ABLIM2: variants seen among roughly 807,000 people sequenced by gnomAD.
The protein encoded by ABLIM2 is actin-binding LIM protein 2.
A neutral mutation model predicts 97.7 loss-of-function variants in ABLIM2; 53 were observed. The ratio of observed to expected loss-of-function variants is 0.54; its 90% CI spans 0.44 to 0.68. The LOEUF is 0.68. ABLIM2 is among the 30% of genes least tolerant of loss of function. The pLI is 0.00. For missense variants in ABLIM2, 835 were observed against 867.2 expected (o/e 0.96, Z 0.47); for synonymous variants, 361 against 345.8 (o/e 1.04, Z -0.49).
At chr4:7,975,171 C>T (rs2386052) in intron 20 of ABLIM2, among the ~76,000 whole-genome samples, 97,405 of 152,092 alleles carry the variant, frequency 0.64, 31,295 homozygotes, top group African/African-American at 0.66. Flanking sequence ...TGAGTTGTGA[C>T]TGTGCCACTG....
intron 6 of ABLIM2, among the ~76,000 whole-genome samples, chr4:8,064,152 G>A (rs544328025): frequency 6.6e-5 from 10 of 152,342 alleles, no homozygotes; most frequent in Admixed American, 3.3e-4. Flanking sequence ...CTCCACAAGC[G>A]AGACATGCTC....
chr4:8,130,298 G>C lies in ABLIM2; in HGVS notation c.11-23661C>G, dbSNP rs1272119984. Among the ~76,000 whole-genome samples the C allele has an allele frequency of 6.6e-6, 1 of 152,196 alleles. No individual in the cohort carries two copies. Among genetic ancestry groups the C allele is most frequent in the African/African-American group, 2.4e-5 (1 of 41,452 alleles). On this transcript the variant is annotated intron_variant, in intron 1 of 20. Coordinates refer to ENST00000447017, the MANE Select transcript of ABLIM2 (RefSeq NM_001130083.2). The surrounding 1 kb of genome is among the most constrained non-coding windows in gnomAD (Gnocchi z 4.2). Reference sequence around the variant, plus strand: ...CACCAGTTCCGGGATGGCCCATGCTGGGAAACATCACGTTGCTTTGAGGCC... The same window carrying C: ...CACCAGTTCCGGGATGGCCCATGCTCGGAAACATCACGTTGCTTTGAGGCC...
chr4:8,036,551 T>C (rs568891458), intron 9 of ABLIM2, among the ~76,000 whole-genome samples: 24 of 152,206 alleles, frequency 1.6e-4, no homozygotes, highest in African/African-American at 5.5e-4. Context: ...CCCCAGCTCC[T>C]GGTATAGGTG....
At position 8,105,213 on chromosome 4, in the gene ABLIM2, C is replaced by T. The variant is rs142999700; in HGVS notation, c.154+1281G>A. ...TCTACTCCCGAGGTTCTAGCCAGCA[C>T]GCCACCTCCTCTGCGAAGTCCTTTC... is the stretch of plus-strand genomic sequence containing the variant. On this transcript the variant is annotated intron_variant, in intron 2 of 20. Coordinates refer to ENST00000447017, the MANE Select transcript of ABLIM2 (RefSeq NM_001130083.2). 4.4e-3 allele frequency among the ~76,000 whole-genome samples: 673 copies of T among 152,332 alleles called. 4 individuals carry two copies. Among genetic ancestry groups the T allele is most frequent in the Non-Finnish European group, 7.1e-3 (481 of 68,034 alleles).
At chr4:8,049,530 C>T (rs149375970) in intron 8 of ABLIM2, among the ~76,000 whole-genome samples, 10 of 152,258 alleles carry the variant, frequency 6.6e-5, no homozygotes, top group African/African-American at 9.6e-5. Flanking sequence ...TCACTATGCC[C>T]GCCTCCCTTT....
Position 8,054,207 on chromosome 4 carries a change from C to T in ABLIM2, c.803G>A (p.Arg268Lys). 1 of 1,614,072 alleles carries T rather than the reference C, an allele frequency of 6.2e-7. No individual in the cohort carries two copies. Among genetic ancestry groups the T allele is most frequent in the Non-Finnish European group, 8.5e-7 (1 of 1,179,904 alleles). ...IWHPACRQAA[R>K]TEDRNKETRT... ...ACCAACCTTGTTTCTGTCTTCAGTT[C>T]TGGCTGCTTGTCGACACGCCGGATG... The change falls in exon 8 of 21, where the codon AGA becomes AAA. Residue 268 changes from arginine to lysine, a missense_variant. Transcript: ENST00000447017. The surrounding 1 kb of genome is among the most constrained non-coding windows in gnomAD (Gnocchi z 4.9).
chr4:8,107,109 C>T (rs990173524), intron 1 of ABLIM2, among the ~76,000 whole-genome samples: 2 of 152,256 alleles, frequency 1.3e-5, no homozygotes, highest in Admixed American at 6.5e-5. Flanking sequence ...ACAGCAGCCA[C>T]GGTCCTCAGG....
intron 6 of ABLIM2, among the ~76,000 whole-genome samples, chr4:8,066,254 C>T (rs1414905234): frequency 6.9e-6 from 1 of 144,666 alleles, no homozygotes; most frequent in East Asian, 2.0e-4. Flanking sequence ...TGCAGTGAGC[C>T]GAGATAGCGC....
At chr4:8,070,035 CTTTG>C (rs960987910) in intron 6 of ABLIM2, among the ~76,000 whole-genome samples, 4 of 151,418 alleles carry the variant, frequency 2.6e-5, no homozygotes, top group African/African-American at 2.4e-5. Flanking sequence ...TGTCTATGTG[CTTTG>C]TGTGTGTATG....
At chr4:8,009,362 T>C (rs898387736) in intron 14 of ABLIM2, among the ~76,000 whole-genome samples, 1 of 152,264 alleles carries the variant, frequency 6.6e-6, no homozygotes, top group East Asian at 1.9e-4. Flanking sequence ...CAGAGTAATG[T>C]TTTCAGATGT....
At chr4:8,057,856 C>A (rs186544391) in intron 7 of ABLIM2, among the ~76,000 whole-genome samples, 1 of 152,176 alleles carries the variant, frequency 6.6e-6, no homozygotes, top group Non-Finnish European at 1.5e-5. Flanking sequence ...TGCATGGAGC[C>A]CCGACATCCC....
chr4:8,059,274 C>T (rs1302126370), intron 7 of ABLIM2, among the ~76,000 whole-genome samples: 1 of 151,982 alleles, frequency 6.6e-6, no homozygotes, highest in Non-Finnish European at 1.5e-5. Flanking sequence ...CCTGACATGC[C>T]CCTCTGGCAT....
rs1326910383 is a variant in ABLIM2, at chr4:8,148,448, T to G, written c.10+10232A>C. On this transcript the variant is annotated intron_variant, in intron 1 of 20. Coordinates refer to ENST00000447017, the MANE Select transcript of ABLIM2 (RefSeq NM_001130083.2). This position sits in a 1 kb window ranked among gnomAD's most constrained non-coding sequence, Gnocchi z 6.7. ...GGCCATGGCGCACCACAGTTAGGAG[T>G]GCGGGTTCTGCAGCTGGCACGGTGC... Among the ~76,000 whole-genome samples the G allele has an allele frequency of 1.3e-5, 2 of 151,574 alleles. No homozygotes were observed. Among genetic ancestry groups the G allele is most frequent in the East Asian group, 3.9e-4 (2 of 5,154 alleles).
In ABLIM2 at chr4:8,001,670, T is replaced by C. The variant is rs965297904; in HGVS notation, c.1618+6389A>G. ...AGCTGGCCACTCCTCCCTAACAGCC[T>C]CTGTATAGAGGGACCCTCCAGCCAC... On this transcript the variant is annotated intron_variant, in intron 16 of 20. Transcript: ENST00000447017. The surrounding 1 kb of genome is among the most constrained non-coding windows in gnomAD (Gnocchi z 4.2). Among the ~76,000 whole-genome samples the C allele has an allele frequency of 2.0e-5, 3 of 152,040 alleles. No individual in the cohort carries two copies. Among genetic ancestry groups the C allele is most frequent in the African/African-American group, 7.2e-5 (3 of 41,418 alleles).
At chr4:7,967,267 G>A (rs1723635741) in intron 20 of ABLIM2, among the ~76,000 whole-genome samples, 164 bp from the exon 21 acceptor site, 1 of 152,202 alleles carries the variant, frequency 6.6e-6, no homozygotes, top group Admixed American at 6.5e-5. Context: ...CCTCTCTGCA[G>A]TGAAAGAACT....
In ABLIM2 at chr4:8,091,834, A is replaced by AT. The variant is rs1404411656; in HGVS notation, c.339-3551_339-3550insA. Among the ~76,000 whole-genome samples, 209 of 60,042 alleles carry AT rather than the reference A, an allele frequency of 3.5e-3. 1 individual carries two copies. The highest frequency in any genetic ancestry group is 0.013 in the African/African-American group (202 of 16,020). The allele number at this position is 60,042 out of a possible 152,430, so 39.4% of individuals were successfully genotyped here. A position where few individuals can be genotyped will look rare whatever the true frequency, so the allele number is the denominator to read the frequency against. Reference sequence around the variant, plus strand: ...ATATTATATAATATATTATATAAATAATATAATATATTATTTATACAATAT... The same window carrying AT: ...ATATTATATAATATATTATATAAATATATATAATATATTATTTATACAATAT... On this transcript the variant is annotated intron_variant, in intron 3 of 20. Transcript: ENST00000447017.
chr4:8,100,089 C>T (rs1463235208), intron 2 of ABLIM2, among the ~76,000 whole-genome samples: 4 of 152,196 alleles, frequency 2.6e-5, no homozygotes, highest in South Asian at 4.2e-4. Context: ...GAGAGGGTGG[C>T]GGCTGGGGGG....
rs554993716 is a variant in ABLIM2, at chr4:7,972,831, C to T, written c.1825-5728G>A. Among the ~76,000 whole-genome samples, 9 of 152,286 alleles carry T rather than the reference C, an allele frequency of 5.9e-5. No individual in the cohort carries two copies. In the East Asian group the frequency reaches 1.5e-3, roughly 26 times the overall value. On this transcript the variant is annotated intron_variant, in intron 20 of 20. Transcript: ENST00000447017. Reference sequence around the variant, plus strand: ...GGTGCAAACCCATCTCTCAGACACACCCATGTGGCTCCAAACCTCCTATTG... The same window carrying T: ...GGTGCAAACCCATCTCTCAGACACATCCATGTGGCTCCAAACCTCCTATTG...
At chr4:8,040,100 C>A (rs555603309) in intron 9 of ABLIM2, among the ~76,000 whole-genome samples, 1 of 152,078 alleles carries the variant, frequency 6.6e-6, no homozygotes, top group Non-Finnish European at 1.5e-5. Flanking sequence ...TTCCTGTGCA[C>A]GTGAATGGCA....
Sources: gnomAD v4.1 joint callset for allele counts (sites outside exome capture counted in the v4.1 genomes callset) on GRCh38, gnomAD v4.1.1 for gene constraint, Gnocchi (gnomAD v3.1) non-coding constraint, MANE v1.5 for transcripts, NCBI Gene and HGNC (gene_info 2026-07-23, HGNC 2026-07-21) for gene names.